DLGAP1: variants seen among roughly 807,000 people sequenced by gnomAD.
DLGAP1 encodes the protein DLG associated protein 1, also known as disks large-associated protein 1.
DLGAP1 carries 11 observed loss-of-function variants against 90.8 expected under a neutral mutation model. That is an observed-to-expected ratio of 0.12 (90% confidence interval 0.08 to 0.20). The LOEUF (loss-of-function observed/expected upper bound fraction) is 0.20, where lower values mean the gene tolerates loss of function less well. Among genes scored for constraint, DLGAP1 ranks in the 10% least tolerant of loss-of-function variants. The pLI is 1.00. For missense variants in DLGAP1, 1,050 were observed against 1,333.8 expected, an observed-to-expected ratio of 0.79 and a Z score of 3.31; for synonymous variants, 558 against 540.7, an observed-to-expected ratio of 1.03 and a Z score of -0.44.
intron 3 of DLGAP1, among the ~76,000 whole-genome samples, chr18:3,948,807 A>G (rs578197313): frequency 5.3e-5 from 8 of 152,174 alleles, no homozygotes; most frequent in Admixed American, 3.3e-4. Context: ...AAAGAAGACA[A>G]ATTGGGTTCA....
chr18:3,949,239 A>T (rs2072935101), intron 3 of DLGAP1, among the ~76,000 whole-genome samples: 1 of 152,104 alleles, frequency 6.6e-6, no homozygotes, highest in Non-Finnish European at 1.5e-5. Context: ...AGCCTCCCTT[A>T]CAATTGGCTT....
At chr18:4,077,028 T>G (rs2075534351) in intron 2 of DLGAP1, among the ~76,000 whole-genome samples, 1 of 152,226 alleles carries the variant, frequency 6.6e-6, no homozygotes, top group South Asian at 2.1e-4. Context: ...GGACCTGTTC[T>G]GCTCAGAGAA....
intron 7 of DLGAP1, chr18:3,656,329 G>T: frequency 2.1e-6 from 1 of 469,394 alleles, no homozygotes; most frequent in Non-Finnish European, 3.8e-6. Context: ...ACCATTTGGG[G>T]AAATTTTTCA....
chr18:4,348,473 G>A (rs1048427435), intron 1 of DLGAP1, among the ~76,000 whole-genome samples: 9 of 148,752 alleles, frequency 6.1e-5, no homozygotes, highest in South Asian at 2.1e-4. Flanking sequence ...AGATGTGTGC[G>A]CATATGTGGA....
At chr18:3,538,197 G>T (rs1267452101) in intron 9 of DLGAP1, among the ~76,000 whole-genome samples, 2 of 152,036 alleles carry the variant, frequency 1.3e-5, no homozygotes, top group African/African-American at 4.8e-5. Context: ...AGTGGCTAAG[G>T]TATTGATCTG....
rs577579705 is a variant in DLGAP1, at chr18:3,965,773, C to G, written c.-73+39343G>C. Among the ~76,000 whole-genome samples, 5 of 151,852 alleles carry G rather than the reference C, an allele frequency of 3.3e-5. No homozygotes were observed. The East Asian group carries it at 9.8e-4, about 30-fold the overall frequency. ...GACAAGCCTGGCTAACATGGCGAAA[C>G]CCCATCTCTACTAAAAATACAAAAA... is the stretch of plus-strand genomic sequence containing the variant. On this transcript the variant is annotated intron_variant, in intron 3 of 12. Coordinates refer to ENST00000315677, the MANE Select transcript of DLGAP1 (RefSeq NM_004746.4).
At chr18:4,206,896 G>A (rs2144854279) in intron 1 of DLGAP1, among the ~76,000 whole-genome samples, 1 of 152,288 alleles carries the variant, frequency 6.6e-6, no homozygotes, top group South Asian at 2.1e-4. Context: ...GAAGCTGAGA[G>A]AATTTCTTTA....
intron 2 of DLGAP1, among the ~76,000 whole-genome samples, chr18:4,068,886 C>T (rs942700081): frequency 6.6e-6 from 1 of 152,140 alleles, no homozygotes; most frequent in African/African-American, 2.4e-5. Flanking sequence ...AAGTGACTTG[C>T]AGGCTTGTTG....
In DLGAP1 at chr18:3,901,065, C is replaced by T. The variant is rs73940256; in HGVS notation, c.-72-20925G>A. 9.8e-3 allele frequency among the ~76,000 whole-genome samples: 1,488 copies of T among 152,082 alleles called. 25 individuals carry two copies. Among genetic ancestry groups the T allele is most frequent in the African/African-American group, 0.034 (1,401 of 41,458 alleles). ...CAGCCCCTCGTGATCTTGCTGTGAA[C>T]GCCCTCCACCCTCATCCCTACTCCC... On this transcript the variant is annotated intron_variant, in intron 3 of 12. Transcript: ENST00000315677.
chr18:3,609,126 G>A (rs929168386), intron 7 of DLGAP1, among the ~76,000 whole-genome samples: 6 of 150,250 alleles, frequency 4.0e-5, no homozygotes, highest in African/African-American at 1.5e-4. Context: ...GCTGCACCCA[G>A]CCTGATCTGT....
At chr18:3,547,301 C>CAAAAAAAA (rs765095049) in intron 9 of DLGAP1, among the ~76,000 whole-genome samples, 3 of 45,408 alleles carry the variant, frequency 6.6e-5, no homozygotes, top group African/African-American at 1.6e-4. Context: ...GACTCCGTCT[C>CAAAAAAAA]AAAAAAAAAA....
At chr18:3,925,838 A>C (rs2072370369) in intron 3 of DLGAP1, among the ~76,000 whole-genome samples, 1 of 152,252 alleles carries the variant, frequency 6.6e-6, no homozygotes, top group South Asian at 2.1e-4. Context: ...TGGCCAAAGA[A>C]AGCCAGAAAG....
chr18:3,846,043 GGTGTGTGTGTGTGT>G (rs35460885), intron 4 of DLGAP1, among the ~76,000 whole-genome samples: 2 of 145,024 alleles, frequency 1.4e-5, no homozygotes, highest in Non-Finnish European at 3.0e-5. Flanking sequence ...TTGAAAGTGT[GGTGTGTGTGTGTGT>G]GTGTGTGTGT....
intron 2 of DLGAP1, among the ~76,000 whole-genome samples, chr18:4,106,616 G>A (rs966502561): frequency 2.0e-5 from 3 of 152,208 alleles, no homozygotes; most frequent in Admixed American, 6.5e-5. Flanking sequence ...CCGGCAGAGG[G>A]CAGAACAGAG....
intron 4 of DLGAP1, among the ~76,000 whole-genome samples, chr18:3,857,509 A>AT (rs142364275): frequency 0.11 from 17,163 of 152,228 alleles, 1,040 homozygotes; most frequent in Middle Eastern, 0.13. Context: ...CATGTGCAGT[A>AT]GTTACTTCCC....
At chr18:3,910,317 C>A (rs2072004003) in intron 3 of DLGAP1, among the ~76,000 whole-genome samples, 1 of 151,706 alleles carries the variant, frequency 6.6e-6, no homozygotes, top group South Asian at 2.1e-4. Context: ...GAAGGTAATA[C>A]ATTTGATGGC....
At chr18:4,303,549 T>C (rs1329523613) in intron 1 of DLGAP1, among the ~76,000 whole-genome samples, 1 of 152,194 alleles carries the variant, frequency 6.6e-6, no homozygotes, top group Non-Finnish European at 1.5e-5. Context: ...TACAGCACCA[T>C]CAAATTTTGA....
chr18:3,842,953 C>T (rs1032390057), intron 4 of DLGAP1, among the ~76,000 whole-genome samples: 3 of 152,160 alleles, frequency 2.0e-5, no homozygotes, highest in African/African-American at 7.2e-5. Context: ...TGATTGTCCA[C>T]AAGGATGAGC....
At chr18:4,305,163 G>A (rs2143336417) in intron 1 of DLGAP1, among the ~76,000 whole-genome samples, 1 of 152,266 alleles carries the variant, frequency 6.6e-6, no homozygotes, top group South Asian at 2.1e-4. Flanking sequence ...CTATCTGGGT[G>A]TGCTTATGCG....
Sources: allele counts gnomAD v4.1 joint callset (sites outside exome capture counted in the v4.1 genomes callset), GRCh38; gene constraint gnomAD v4.1.1; transcripts MANE v1.5; gene names NCBI Gene and HGNC (gene_info 2026-07-23, HGNC 2026-07-21).